Variants in DCC observed in about 807,000 individuals in gnomAD.
DCC encodes netrin receptor DCC.
Under a neutral mutation model 172.5 loss-of-function variants are expected in DCC, and 58 were observed. The ratio of observed to expected loss-of-function variants is 0.34; its 90% confidence interval spans 0.27 to 0.42. DCC has a LOEUF of 0.42. Ranked by LOEUF, DCC falls within the 10% of genes least tolerant of loss-of-function variation. DCC has a pLI of 1.00. For synonymous variants in DCC, 709 were observed against 644.5 expected, an observed-to-expected ratio of 1.10 and a Z score of -1.52; for missense variants, 1,740 against 1,791.0, an observed-to-expected ratio of 0.97 and a Z score of 0.51.
At chr18:53,512,928 A>G (rs550359929) in intron 27 of DCC, among the ~76,000 whole-genome samples, 2,337 of 152,300 alleles carry the variant, frequency 0.015, 73 homozygotes, top group African/African-American at 0.054. Context: ...CTATCAAGGC[A>G]GGCCAACATT....
chr18:52,875,927 A>G (rs939888029), intron 2 of DCC, among the ~76,000 whole-genome samples: 1 of 152,160 alleles, frequency 6.6e-6, no homozygotes, highest in African/African-American at 2.4e-5. Flanking sequence ...AGGATGAAGA[A>G]ATCATAACTC....
intron 1 of DCC, among the ~76,000 whole-genome samples, chr18:52,655,976 G>A (rs2035235808): frequency 1.6e-5 from 2 of 121,886 alleles, no homozygotes; most frequent in African/African-American, 6.3e-5. Flanking sequence ...GTGTGTGTGT[G>A]TGTGTGTGTG....
chr18:53,226,687 CA>C lies in DCC; in HGVS notation c.1911+11097del, dbSNP rs1292554128. Among the ~76,000 whole-genome samples, 16 of 150,000 alleles carry C rather than the reference CA, an allele frequency of 1.1e-4. No individual in the cohort carries two copies. In the South Asian group the frequency reaches 3.4e-3, roughly 32 times the overall value. On this transcript the variant is annotated intron_variant, in intron 12 of 28. Transcript: ENST00000442544. ...ACCTCATCCCTCAAGGGTTGTTGGC[CA>C]AAAAAACAAACAAACAAAACAAAAA...
At chr18:52,661,759 A>G (rs947036264) in intron 1 of DCC, among the ~76,000 whole-genome samples, 6 of 152,258 alleles carry the variant, frequency 3.9e-5, no homozygotes, top group African/African-American at 1.2e-4. Flanking sequence ...AGAAAGTAAA[A>G]CCAGCAAATA....
chr18:53,092,541 TA>T (rs760743217), intron 7 of DCC, among the ~76,000 whole-genome samples: 10 of 152,144 alleles, frequency 6.6e-5, no homozygotes, highest in Non-Finnish European at 1.0e-4. Flanking sequence ...ATTTTATGAA[TA>T]AAAATCTCCT....
intron 9 of DCC, among the ~76,000 whole-genome samples, chr18:53,181,548 CT>C (rs1391276378): frequency 6.6e-6 from 1 of 151,322 alleles, no homozygotes; most frequent in Non-Finnish European, 1.5e-5. Context: ...ACAATATATT[CT>C]GCTATTTTAA....
chr18:52,766,216 T>C (rs935414297), intron 2 of DCC, among the ~76,000 whole-genome samples: 3 of 152,144 alleles, frequency 2.0e-5, no homozygotes, highest in Non-Finnish European at 2.9e-5. Context: ...GCAAGCACTT[T>C]TGGGCGCCAG....
intron 1 of DCC, among the ~76,000 whole-genome samples, chr18:52,633,983 C>T (rs934164486): frequency 6.6e-6 from 1 of 152,238 alleles, no homozygotes; most frequent in African/African-American, 2.4e-5. Flanking sequence ...CTGCTCATGG[C>T]AGGTGGATGG....
At chr18:52,709,583 T>G (rs1599037058) in intron 1 of DCC, among the ~76,000 whole-genome samples, 1 of 152,194 alleles carries the variant, frequency 6.6e-6, no homozygotes, top group African/African-American at 2.4e-5. Flanking sequence ...TTAATTCCAG[T>G]GGTGGGGATC....
intron 1 of DCC, among the ~76,000 whole-genome samples, chr18:52,511,425 C>A (rs866047753): frequency 1.3e-5 from 2 of 152,024 alleles, no homozygotes; most frequent in African/African-American, 4.8e-5. Flanking sequence ...AATGCATGTA[C>A]CTCTTCGACG....
chr18:53,239,970 G>T (rs2056263566), intron 12 of DCC, among the ~76,000 whole-genome samples: 1 of 132,996 alleles, frequency 7.5e-6, no homozygotes, highest in South Asian at 2.4e-4. Flanking sequence ...TGTTAGAGGA[G>T]AATGGTGAGA....
chr18:52,686,832 T>G (rs2035844303), intron 1 of DCC, among the ~76,000 whole-genome samples: 2 of 152,080 alleles, frequency 1.3e-5, no homozygotes, highest in Non-Finnish European at 2.9e-5. Context: ...GAGCTTGCCT[T>G]GATCATATTT....
Position 52,863,266 on chromosome 18 carries a change from C to T in DCC, c.413-42778C>T, listed in dbSNP as rs1022620364. Among the ~76,000 whole-genome samples the T allele has an allele frequency of 2.0e-5, 3 of 152,008 alleles. No homozygotes were observed. In the East Asian group the frequency reaches 5.8e-4, roughly 29 times the overall value. On this transcript the variant is annotated intron_variant, in intron 2 of 28. Transcript: ENST00000442544. ...ATACACTTTGCATACAGAATTGTTT[C>T]TCTTGTATCTAGTAGTTTTAATCAT...
At chr18:52,501,268 C>T (rs980671908) in intron 1 of DCC, among the ~76,000 whole-genome samples, 1 of 152,200 alleles carries the variant, frequency 6.6e-6, no homozygotes, top group African/African-American at 2.4e-5. Context: ...AAAGATGGAG[C>T]AGGTATCTGG....
At chr18:53,327,533 T>A (rs2057479997) in intron 14 of DCC, among the ~76,000 whole-genome samples, 1 of 152,122 alleles carries the variant, frequency 6.6e-6, no homozygotes, top group African/African-American at 2.4e-5. Flanking sequence ...CTCTCTACCC[T>A]GAAGTGGAGG....
At chr18:53,342,479 T>C (rs1208708048) in intron 15 of DCC, among the ~76,000 whole-genome samples, 2 of 151,770 alleles carry the variant, frequency 1.3e-5, no homozygotes, top group Non-Finnish European at 3.0e-5. Context: ...TCAATTTATC[T>C]ATCTTTATAT....
Position 52,898,830 on chromosome 18 carries a change from T to G in DCC, c.413-7214T>G, listed in dbSNP as rs149397668. 2.4e-3 allele frequency among the ~76,000 whole-genome samples: 363 copies of G among 152,278 alleles called. 1 individual carries two copies. The highest frequency in any genetic ancestry group is 8.5e-3 in the African/African-American group (354 of 41,560). On this transcript the variant is annotated intron_variant, in intron 2 of 28. Coordinates refer to ENST00000442544, the MANE Select transcript of DCC (RefSeq NM_005215.4). Reference sequence around the variant, plus strand: ...GCCTAGCTTCTGAGGAAATATGTATTGGTCTGAGGAGATTGATGGCCACAG... The same window carrying G: ...GCCTAGCTTCTGAGGAAATATGTATGGGTCTGAGGAGATTGATGGCCACAG...
chr18:53,206,349 A>G (rs1388282308), intron 10 of DCC, among the ~76,000 whole-genome samples: 2 of 59,106 alleles, frequency 3.4e-5, no homozygotes, highest in East Asian at 3.3e-4. Flanking sequence ...GTATATATGT[A>G]TATATACATA....
intron 27 of DCC, among the ~76,000 whole-genome samples, chr18:53,502,675 T>C (rs2046118314): frequency 6.6e-6 from 1 of 152,270 alleles, no homozygotes; most frequent in East Asian, 1.9e-4. Context: ...GACTGCATAA[T>C]TAGTGATGAA....
Sources: gnomAD v4.1 joint callset for allele counts (sites outside exome capture counted in the v4.1 genomes callset) on GRCh38, gnomAD v4.1.1 for gene constraint, MANE v1.5 for transcripts, NCBI Gene and HGNC (gene_info 2026-07-23, HGNC 2026-07-21) for gene names.